CA11: variants seen among roughly 807,000 people sequenced by gnomAD.
The protein encoded by CA11 is carbonic anhydrase 11 (inactive), also known as carbonic anhydrase-related protein 11.
A neutral mutation model predicts 39.3 loss-of-function variants in CA11; 20 were observed. The ratio of observed to expected loss-of-function variants is 0.51; its 90% CI spans 0.36 to 0.74. The LOEUF is 0.74. Among genes scored for constraint, CA11 ranks in the 30% least tolerant of loss-of-function variants. The pLI, the probability that CA11 is intolerant of heterozygous loss-of-function variation, is 0.00. For synonymous variants in CA11, 166 were observed against 172.5 expected (o/e 0.96, Z 0.29); for missense variants, 336 against 424.6 (o/e 0.79, Z 1.83).
intron 3 of CA11, among the ~76,000 whole-genome samples, chr19:48,642,980 C>T (rs765227065): frequency 1.3e-5 from 2 of 151,900 alleles, no homozygotes; most frequent in African/African-American, 2.4e-5. Context: ...AATTCCAGTA[C>T]CTTGGGAAGC....
Position 48,639,451 on chromosome 19 carries a change from A to G in CA11, c.649T>C (p.Tyr217His). ...TCCAGGCTCAGGTCTTGAAGAAAGT[A>G]GGCATCATCTGCGGGAATATCAGGC... ...ITRISYKNDAYFLQDLSLELL... is the reference protein window; with the variant it reads ...ITRISYKNDAHFLQDLSLELL... Residue 217 changes from tyrosine (Y) to histidine (H), a missense_variant, in exon 7 of 9, where the codon TAC becomes CAC. Coordinates refer to ENST00000084798, the MANE Select transcript of CA11 (RefSeq NM_001217.5). 6.2e-7 allele frequency: 1 copy of G among 1,613,930 alleles called. No homozygotes were observed. The highest frequency in any genetic ancestry group is 8.5e-7 in the Non-Finnish European group (1 of 1,179,948).
At position 48,639,833 on chromosome 19, in the gene CA11, G is replaced by T; in HGVS notation, c.522C>A (p.Ala174=). The T allele has an allele frequency of 6.2e-7, 1 of 1,614,150 alleles. No homozygotes were observed. The highest frequency in any genetic ancestry group is 8.5e-7 in the Non-Finnish European group (1 of 1,180,024). ...NQELYGNFSA[A]SRGPNGLAIL... is the part of the protein sequence containing the mutation. ...TGGCCAGGCCATTGGGGCCGCGGGA[G>T]GCAGCGCTGAAATTCCCGTAGAGTT... The change falls in exon 5 of 9, where the codon GCC becomes GCA. Residue 174 remains alanine, a synonymous_variant. Transcript: ENST00000084798.
chr19:48,638,116 G>A lies in CA11; in HGVS notation c.*3C>T. The A allele has an allele frequency of 7.0e-7, 1 of 1,436,222 alleles. No individual in the cohort carries two copies. Among genetic ancestry groups the A allele is most frequent in the Non-Finnish European group, 9.1e-7 (1 of 1,093,702 alleles). The allele number at this position is 1,436,222 out of a possible 1,614,324, so 89.0% of individuals were successfully genotyped here. A position where few individuals can be genotyped will look rare whatever the true frequency, so the allele number is the denominator to read the frequency against. ...GGGCGGGTGCAATCCTCGAAGGGGA[G>A]TCTCAGCGACCATGGGGGACACCAT... On this transcript the variant is annotated 3_prime_UTR_variant, in exon 9 of 9. Transcript: ENST00000084798.
At chr19:48,641,268 C>G (rs1415747210) in intron 3 of CA11, among the ~76,000 whole-genome samples, 6 of 152,210 alleles carry the variant, frequency 3.9e-5, no homozygotes, top group Non-Finnish European at 8.8e-5. Flanking sequence ...GCGTGAGCCA[C>G]CGTGCCTGGC....
intron 7 of CA11, 40 bp downstream of exon 7, chr19:48,639,265 G>A (rs773703326): frequency 1.2e-6 from 2 of 1,605,720 alleles, no homozygotes; most frequent in Non-Finnish European, 1.7e-6. Context: ...AGTGAGTGGA[G>A]TACCCAGGCC....
chr19:48,644,066 C>T (rs1157411328), intron 3 of CA11, among the ~76,000 whole-genome samples: 1 of 151,954 alleles, frequency 6.6e-6, no homozygotes, highest in Non-Finnish European at 1.5e-5. Context: ...CATTGCACTC[C>T]AGCCTGGGCA....
chr19:48,640,693 G>A (rs1248529092), intron 3 of CA11, among the ~76,000 whole-genome samples: 2 of 126,490 alleles, frequency 1.6e-5, no homozygotes, highest in African/African-American at 6.0e-5. Flanking sequence ...TTTCTGGGGG[G>A]AGACGGAGTC....
intron 8 of CA11, chr19:48,638,468 G>A (rs2030931707): frequency 2.9e-6 from 2 of 678,138 alleles, no homozygotes; most frequent in Non-Finnish European, 3.9e-6. Flanking sequence ...TGGAGGGAAG[G>A]GGTTGTACCT....
At chr19:48,641,828 T>C (rs1248108697) in intron 3 of CA11, among the ~76,000 whole-genome samples, 4 of 146,730 alleles carry the variant, frequency 2.7e-5, no homozygotes, top group East Asian at 1.9e-4. Flanking sequence ...ATTTTCTTTT[T>C]TTTTTTTTTT....
At chr19:48,638,293 G>A (rs772337096) in intron 8 of CA11, 149 bp from the exon 9 acceptor site, 8 of 1,150,212 alleles carry the variant, frequency 7.0e-6, no homozygotes, top group Non-Finnish European at 8.6e-6. Flanking sequence ...GAAGCACTGG[G>A]CTGAACCACA....
In CA11 at chr19:48,646,040, C is replaced by G. The variant is rs1238470118; in HGVS notation, c.-408G>C. The G allele has an allele frequency of 1.3e-5, 5 of 387,570 alleles. No homozygotes were observed. The highest frequency in any genetic ancestry group is 6.2e-5 in the African/African-American group (3 of 48,286). 24.0% of individuals were successfully genotyped at this position (387,570 alleles called of 1,614,324 possible). On this transcript the variant is annotated 5_prime_UTR_variant, in exon 1 of 9. Transcript: ENST00000084798. ...CCATCCCGCATCTCCTCCTCCTCCT[C>G]CCTCTCTCCTTTCCAGCTCCTGCCT... is the stretch of plus-strand genomic sequence containing the variant.
chr19:48,645,322 G>C, intron 2 of CA11, 81 bp downstream of exon 2: 1 of 1,243,382 alleles, frequency 8.0e-7, no homozygotes, highest in Non-Finnish European at 1.1e-6. Context: ...GGGGGAGGAG[G>C]GAGCTGGGAA....
At position 48,640,293 on chromosome 19, in the gene CA11, C is replaced by A; in HGVS notation, c.286-13G>T. ...AGGTTCCCCGGAGCTGTGGGAGAGGCGGGAGCTGTCAGGGGGCAGGGAGAG... is the reference window on the plus strand; with the variant it reads ...AGGTTCCCCGGAGCTGTGGGAGAGGAGGGAGCTGTCAGGGGGCAGGGAGAG... On this transcript the variant is annotated splice_polypyrimidine_tract_variant and intron_variant, in intron 3 of 8. Transcript: ENST00000084798. 1 of 1,551,376 alleles carries A rather than the reference C, an allele frequency of 6.4e-7. No homozygotes were observed. The highest frequency in any genetic ancestry group is 8.8e-7 in the Non-Finnish European group (1 of 1,142,480).
rs1417923978 is a variant in CA11, at chr19:48,639,780, C to T, written c.567+8G>A. 3 of 1,613,472 alleles carry T rather than the reference C, an allele frequency of 1.9e-6. No individual in the cohort carries two copies. Among genetic ancestry groups the T allele is most frequent in the African/African-American group, 2.7e-5 (2 of 75,030 alleles). ...TGCTCCCTCCCTCTGAATCTCGCCT[C>T]CGCTCACGTTGACAAAGAGGCTGAG... On this transcript the variant is annotated splice_region_variant and intron_variant, in intron 5 of 8. Transcript: ENST00000084798.
In CA11 at chr19:48,640,213, T is replaced by C. The variant is rs1390540944; in HGVS notation, c.353A>G (p.Asn118Ser). ...GTAAAGGAGGGGACCTCCAGACACATTGACCACAGGTCGGGGTGCAGGCAG... is the reference window on the plus strand; with the variant it reads ...GTAAAGGAGGGGACCTCCAGACACACTGACCACAGGTCGGGGTGCAGGCAG... ...SFLPAPRPVVNVSGGPLLYSH... is the reference protein window; with the variant it reads ...SFLPAPRPVVSVSGGPLLYSH... The change falls in exon 4 of 9, where the codon AAT becomes AGT. Residue 118 changes from asparagine to serine, a missense_variant. Transcript: ENST00000084798. 11 of 1,613,846 alleles carry C rather than the reference T, an allele frequency of 6.8e-6. No homozygotes were observed. Among genetic ancestry groups the C allele is most frequent in the East Asian group, 4.5e-5 (2 of 44,876 alleles).
intron 2 of CA11, 41 bp downstream of exon 2, chr19:48,645,362 G>A (rs1349440778): frequency 1.3e-6 from 2 of 1,535,278 alleles, no homozygotes; most frequent in South Asian, 1.2e-5. Context: ...AGAAGGAGGC[G>A]CCGGGAGGGC....
intron 7 of CA11, 69 bp downstream of exon 7, chr19:48,639,236 G>A (rs1201529834): frequency 3.8e-6 from 6 of 1,583,272 alleles, no homozygotes; most frequent in Non-Finnish European, 5.2e-6. Context: ...GGGCAGGTGA[G>A]CAAGGGGATG....
chr19:48,639,696 A>G, intron 5 of CA11, 75 bp from the exon 6 acceptor site: 1 of 1,586,958 alleles, frequency 6.3e-7, no homozygotes. Context: ...CCCAGGACCC[A>G]GGAGTCTGGG....
In CA11 at chr19:48,640,984, G is replaced by GT. The variant is rs1311663303; in HGVS notation, c.286-705dup. Among the ~76,000 whole-genome samples the GT allele has an allele frequency of 3.6e-3, 519 of 145,678 alleles. 1 individual carries two copies. The highest frequency in any genetic ancestry group is 0.011 in the East Asian group (51 of 4,708). Reference sequence around the variant, plus strand: ...CCACCGCGCCCGGCTTTTTGTTTTTGTTTTTTTTTTTTTTAAATAGAATCT... The same window carrying GT: ...CCACCGCGCCCGGCTTTTTGTTTTTGTTTTTTTTTTTTTTTAAATAGAATCT... On this transcript the variant is annotated intron_variant, in intron 3 of 8. Transcript: ENST00000084798.
Sources: allele counts gnomAD v4.1 joint callset (sites outside exome capture counted in the v4.1 genomes callset), GRCh38; gene constraint gnomAD v4.1.1; transcripts MANE v1.5; gene names NCBI Gene and HGNC (gene_info 2026-07-23, HGNC 2026-07-21).